The following DNAH11 variants were observed in gnomAD, a reference collection of about 807,000 sequenced individuals.
DNAH11 encodes the protein axonemal beta dynein heavy chain 11.
In DNAH11, 442 loss-of-function variants were observed where a neutral mutation model predicts 526.0. That is an observed-to-expected ratio of 0.84 (90% CI 0.78 to 0.91). DNAH11 has a LOEUF of 0.91. Ranked by LOEUF, DNAH11 falls within the 40% of genes least tolerant of loss-of-function variation. The pLI is 0.00. For synonymous variants in DNAH11, 2,461 were observed against 1,935.9 expected (o/e 1.27, Z -7.12); for missense variants, 6,989 against 5,448.7 (o/e 1.28, Z -8.90).
chr7:21,832,444 T>G (rs1285027074), intron 65 of DNAH11, among the ~76,000 whole-genome samples: 1 of 152,212 alleles, frequency 6.6e-6, no homozygotes, highest in Non-Finnish European at 1.5e-5. Context: ...TGGCTGGCTT[T>G]CCATTTGCTT....
intron 65 of DNAH11, among the ~76,000 whole-genome samples, chr7:21,818,782 A>G (rs923537400): frequency 1.3e-5 from 2 of 152,072 alleles, no homozygotes; most frequent in Admixed American, 6.6e-5. Context: ...TGTTTTTTCT[A>G]ATATACTTAA....
intron 45 of DNAH11, among the ~76,000 whole-genome samples, chr7:21,731,384 T>A (rs1785378755): frequency 6.6e-6 from 1 of 152,100 alleles, no homozygotes; most frequent in African/African-American, 2.4e-5. Context: ...GGCCATGTTG[T>A]TCCTGACAAC....
At chr7:21,567,844 G>C (rs866546860) in intron 6 of DNAH11, among the ~76,000 whole-genome samples, 2 of 152,208 alleles carry the variant, frequency 1.3e-5, no homozygotes, top group African/African-American at 4.8e-5. Flanking sequence ...TTCACCTTGC[G>C]TGCTAGCACA....
rs535567610 is a variant in DNAH11, at chr7:21,739,008, C to A, written c.7811+142C>A. ...ATTCAAGTGCAATTATCCCCAGTTTCTTCTAAGGAATATCTTTTGGGTTTG... is the reference window on the plus strand; with the variant it reads ...ATTCAAGTGCAATTATCCCCAGTTTATTCTAAGGAATATCTTTTGGGTTTG... On this transcript the variant is annotated intron_variant, in intron 47 of 81. Transcript: ENST00000409508. 22 of 840,240 alleles carry A rather than the reference C, an allele frequency of 2.6e-5. No homozygotes were observed. The South Asian group carries it at 5.5e-4, about 21-fold the overall frequency. The allele number at this position is 840,240 out of a possible 1,614,324, so 52.0% of individuals were successfully genotyped here.
chr7:21,885,180 A>AAAAAC (rs1784082434), intron 76 of DNAH11, among the ~76,000 whole-genome samples: 1 of 147,734 alleles, frequency 6.8e-6, no homozygotes, highest in East Asian at 1.9e-4. Context: ...ATAAAAAAAA[A>AAAAAC]AAAAAAAACA....
intron 20 of DNAH11, among the ~76,000 whole-genome samples, chr7:21,614,026 T>C (rs1305394683): frequency 6.6e-6 from 1 of 151,744 alleles, no homozygotes; most frequent in Non-Finnish European, 1.5e-5. Flanking sequence ...ATCCACCTAC[T>C]GTGACTTCCC....
chr7:21,823,983 T>A (rs1188289637), intron 65 of DNAH11, among the ~76,000 whole-genome samples: 3 of 152,168 alleles, frequency 2.0e-5, no homozygotes, highest in Non-Finnish European at 4.4e-5. Context: ...GTTCAGGATA[T>A]GCAGTCTGCT....
At chr7:21,875,822 A>T (rs933792673) in intron 74 of DNAH11, among the ~76,000 whole-genome samples, 1 of 151,576 alleles carries the variant, frequency 6.6e-6, no homozygotes, top group Non-Finnish European at 1.5e-5. Context: ...CACTTTTATT[A>T]ATTGAAGGTT....
chr7:21,620,574 A>G (rs368830086), intron 25 of DNAH11, among the ~76,000 whole-genome samples: 1 of 151,924 alleles, frequency 6.6e-6, no homozygotes, highest in Non-Finnish European at 1.5e-5. Flanking sequence ...TTTAAATTTT[A>G]CTATTATACT....
Position 21,637,708 on chromosome 7 carries a change from A to T in DNAH11, c.4817+6A>T, listed in dbSNP as rs1006884453. 6.6e-7 allele frequency: 1 copy of T among 1,512,630 alleles called. No homozygotes were observed. Among genetic ancestry groups the T allele is most frequent in the Non-Finnish European group, 8.9e-7 (1 of 1,118,152 alleles). 93.7% of individuals were successfully genotyped at this position (1,512,630 alleles called of 1,614,324 possible). On this transcript the variant is annotated splice_donor_region_variant and intron_variant, in intron 27 of 81. Coordinates refer to ENST00000409508, the MANE Select transcript of DNAH11 (RefSeq NM_001277115.2). ...CTTAAAGATTTACAGTCCAGGTAAGAATAAAGCTATATAAGATAATCAATT... is the reference window on the plus strand; with the variant it reads ...CTTAAAGATTTACAGTCCAGGTAAGTATAAAGCTATATAAGATAATCAATT...
intron 14 of DNAH11, among the ~76,000 whole-genome samples, chr7:21,593,375 A>G (rs1034448620): frequency 2.0e-5 from 3 of 152,160 alleles, no homozygotes; most frequent in Non-Finnish European, 1.5e-5. Context: ...GAATGGGGAA[A>G]TATGAGTGGA....
At position 21,864,662 on chromosome 7, in the gene DNAH11, G is replaced by A. The variant is rs1306061234; in HGVS notation, c.11496+5G>A. 6.3e-7 allele frequency: 1 copy of A among 1,579,264 alleles called. No individual in the cohort carries two copies. The highest frequency in any genetic ancestry group is 2.3e-5 in the East Asian group (1 of 44,114). On this transcript the variant is annotated splice_donor_5th_base_variant and intron_variant, in intron 70 of 81. Transcript: ENST00000409508. Reference sequence around the variant, plus strand: ...CAGTCATGGAGTGCTATCAAGGTATGTTAGGAATACAGTTTCTCAAATTCT... The same window carrying A: ...CAGTCATGGAGTGCTATCAAGGTATATTAGGAATACAGTTTCTCAAATTCT...
intron 29 of DNAH11, among the ~76,000 whole-genome samples, chr7:21,656,207 G>A (rs1457437951): frequency 2.0e-5 from 3 of 152,162 alleles, no homozygotes; most frequent in Admixed American, 1.3e-4. Context: ...TCTCAGAGAC[G>A]CTAGGAATTG....
At chr7:21,650,969 A>G (rs1046037201) in intron 28 of DNAH11, among the ~76,000 whole-genome samples, 18 of 148,534 alleles carry the variant, frequency 1.2e-4, no homozygotes, top group Middle Eastern at 3.4e-3. Context: ...AAAAAAAAAA[A>G]CACATGCAAC....
At chr7:21,746,666 T>G (rs533725372) in intron 51 of DNAH11, among the ~76,000 whole-genome samples, 1 of 152,240 alleles carries the variant, frequency 6.6e-6, no homozygotes, top group African/African-American at 2.4e-5. Flanking sequence ...AATTCAGTTT[T>G]TAGAAGAATT....
At position 21,765,463 on chromosome 7, in the gene DNAH11, G is replaced by C; in HGVS notation, c.8976G>C (p.Leu2992=). 6.2e-7 allele frequency: 1 copy of C among 1,613,906 alleles called. No homozygotes were observed. Among genetic ancestry groups the C allele is most frequent in the Non-Finnish European group, 8.5e-7 (1 of 1,179,806 alleles). The part of the protein sequence containing the change: ...ILCFSPVGRT[L]RVRARKFPAI... Reference sequence around the variant, plus strand: ...GTTTCTCTCCAGTTGGTCGCACGCTGAGAGTTAGAGCTCGGAAGTTCCCAG... The same window carrying C: ...GTTTCTCTCCAGTTGGTCGCACGCTCAGAGTTAGAGCTCGGAAGTTCCCAG... Residue 2992 remains leucine, a synonymous_variant, in exon 55 of 82, where the codon CTG becomes CTC. Transcript: ENST00000409508.
chr7:21,597,661 TG>T (rs1784912792), intron 14 of DNAH11, among the ~76,000 whole-genome samples: 1 of 152,100 alleles, frequency 6.6e-6, no homozygotes, highest in South Asian at 2.1e-4. Context: ...AGCGGGGGGT[TG>T]GGGCAGGGAG....
chr7:21,635,918 T>G lies in DNAH11; in HGVS notation c.4548T>G (p.Ile1516Met). ...AAAGCAAGTATGTAGAATATTTCAT[T>G]GAGCAAGTGTTAAGCTGGCAAAATA... Reference protein sequence around the residue: ...LLQSKYVEYFIEQVLSWQNKL... With the variant: ...LLQSKYVEYFMEQVLSWQNKL... The change falls in exon 26 of 82, where the codon ATT becomes ATG. Residue 1516 changes from isoleucine to methionine, a missense_variant. Ile to Met is a conservative substitution (Grantham distance 10). Coordinates refer to ENST00000409508, the MANE Select transcript of DNAH11 (RefSeq NM_001277115.2). 1 of 1,613,316 alleles carries G rather than the reference T, an allele frequency of 6.2e-7. No individual in the cohort carries two copies. Among genetic ancestry groups the G allele is most frequent in the Admixed American group, 1.7e-5 (1 of 59,970 alleles).
chr7:21,823,714 A>G (rs905214340), intron 65 of DNAH11, among the ~76,000 whole-genome samples: 22 of 152,224 alleles, frequency 1.4e-4, no homozygotes, highest in African/African-American at 5.3e-4. Context: ...CAATACAAAC[A>G]TAAAACTTTT....
Sources: allele counts gnomAD v4.1 joint callset (sites outside exome capture counted in the v4.1 genomes callset), GRCh38; gene constraint gnomAD v4.1.1; transcripts MANE v1.5; gene names NCBI Gene and HGNC (gene_info 2026-07-23, HGNC 2026-07-21).